Variants in GRM5 observed in about 807,000 individuals in gnomAD.
GRM5 encodes the protein glutamate metabotropic receptor 5.
Under a neutral mutation model 83.1 loss-of-function variants are expected in GRM5, and 19 were observed. The observed-to-expected ratio is 0.23, with a 90% CI of 0.16 to 0.34. The LOEUF (loss-of-function observed/expected upper bound fraction) is 0.34. GRM5 is among the 10% of genes least tolerant of loss of function. The pLI is 1.00. For missense variants in GRM5, 1,160 were observed against 1,588.3 expected (o/e 0.73, Z 4.58); for synonymous variants, 675 against 633.6 (o/e 1.07, Z -0.98).
At chr11:88,698,886 G>A (rs1361901620) in intron 3 of GRM5, among the ~76,000 whole-genome samples, 1 of 152,172 alleles carries the variant, frequency 6.6e-6, no homozygotes, top group Non-Finnish European at 1.5e-5. Flanking sequence ...AATTATGAAT[G>A]TATGGTGGAT....
chr11:88,896,525 A>T (rs2088922796), intron 2 of GRM5, among the ~76,000 whole-genome samples: 1 of 151,882 alleles, frequency 6.6e-6, no homozygotes, highest in Admixed American at 6.6e-5. Context: ...TAATATAGAG[A>T]GGTTTATTTA....
chr11:88,673,892 G>GA (rs59032979), intron 3 of GRM5, among the ~76,000 whole-genome samples: 1 of 147,050 alleles, frequency 6.8e-6, no homozygotes, highest in African/African-American at 2.5e-5. Flanking sequence ...ACACTATTTT[G>GA]AAAAAAAAAA....
chr11:88,856,643 G>C (rs1223781294), intron 2 of GRM5, among the ~76,000 whole-genome samples: 2 of 152,004 alleles, frequency 1.3e-5, no homozygotes, highest in African/African-American at 2.4e-5. Context: ...TTGTTATCAA[G>C]TATGATGTCC....
chr11:88,806,715 C>T (rs1282096906), intron 3 of GRM5, among the ~76,000 whole-genome samples: 2 of 152,152 alleles, frequency 1.3e-5, no homozygotes, highest in African/African-American at 2.4e-5. Context: ...TTATTCCCTT[C>T]AACACCCTCA....
intron 2 of GRM5, among the ~76,000 whole-genome samples, chr11:89,006,763 T>A (rs954952422): frequency 6.6e-6 from 1 of 152,148 alleles, no homozygotes; most frequent in African/African-American, 2.4e-5. Flanking sequence ...ACTTTGCCTA[T>A]ATAATTTCAA....
chr11:88,712,007 A>G lies in GRM5; in HGVS notation c.912-58604T>C, dbSNP rs148448209. 1.4e-4 allele frequency among the ~76,000 whole-genome samples: 21 copies of G among 152,222 alleles called. No individual in the cohort carries two copies. The East Asian group carries it at 4.1e-3, about 29-fold the overall frequency. ...TGCATCTCAGGAACCCATTACGCAC[A>G]AGAGTTTTTTCTCAGACAGTGTTTG... On this transcript the variant is annotated intron_variant, in intron 3 of 9. Coordinates refer to ENST00000305447, the MANE Select transcript of GRM5 (RefSeq NM_001143831.3).
chr11:88,660,820 A>T (rs551446198), intron 3 of GRM5, among the ~76,000 whole-genome samples: 4 of 152,174 alleles, frequency 2.6e-5, no homozygotes, highest in Admixed American at 6.6e-5. Flanking sequence ...TTCCCTCTGC[A>T]CAGAGTGCCA....
At chr11:88,639,698 C>T (rs1591401881) in intron 4 of GRM5, among the ~76,000 whole-genome samples, 2 of 152,132 alleles carry the variant, frequency 1.3e-5, no homozygotes, top group South Asian at 4.2e-4. Context: ...TGCCATTCTC[C>T]TGCCTCAGCC....
At chr11:88,511,428 C>T (rs1437094265) in intron 9 of GRM5, among the ~76,000 whole-genome samples, 3 of 152,254 alleles carry the variant, frequency 2.0e-5, no homozygotes, top group Non-Finnish European at 4.4e-5. Flanking sequence ...TCTTTCCACA[C>T]TGCTTCCCAT....
chr11:88,597,484 C>T lies in GRM5; in HGVS notation c.1395-132G>A, dbSNP rs1024197554. On this transcript the variant is annotated intron_variant, in intron 5 of 9. Coordinates refer to ENST00000305447, the MANE Select transcript of GRM5 (RefSeq NM_001143831.3). ...CACTGGAATTTTCCATGACAGTACACTTAGAATAACAAAAAAAATCTGTCT... is the reference window on the plus strand; with the variant it reads ...CACTGGAATTTTCCATGACAGTACATTTAGAATAACAAAAAAAATCTGTCT... 5.7e-6 allele frequency: 3 copies of T among 525,076 alleles called. No homozygotes were observed. In the African/African-American group the frequency reaches 5.9e-5, roughly 10 times the overall value. 32.5% of individuals were successfully genotyped at this position (525,076 alleles called of 1,614,324 possible). A position where few individuals can be genotyped will look rare whatever the true frequency, so the allele number is the denominator to read the frequency against.
At chr11:88,718,952 A>G (rs1472352521) in intron 3 of GRM5, among the ~76,000 whole-genome samples, 1 of 151,886 alleles carries the variant, frequency 6.6e-6, no homozygotes, top group East Asian at 1.9e-4. Flanking sequence ...ATTCTCAGTG[A>G]AGCATGTTTG....
rs1233949466 is a variant in GRM5, at chr11:89,047,187, C to A, written c.661+25G>T. 1.4e-5 allele frequency: 22 copies of A among 1,534,764 alleles called. 1 individual carries two copies. Among genetic ancestry groups the A allele is most frequent in the Non-Finnish European group, 1.9e-5 (21 of 1,121,890 alleles). ...ACTGTTGAGTGCATAATAATATATA[C>A]TCGATGTATGCAAAGGAAACTTACC... On this transcript the variant is annotated intron_variant, in intron 2 of 9. Coordinates refer to ENST00000305447, the MANE Select transcript of GRM5 (RefSeq NM_001143831.3). This position sits in a 1 kb window ranked among gnomAD's most constrained non-coding sequence, Gnocchi z 5.1.
intron 2 of GRM5, among the ~76,000 whole-genome samples, chr11:88,962,621 A>G (rs564537978): frequency 1.3e-5 from 2 of 152,304 alleles, no homozygotes; most frequent in East Asian, 3.9e-4. Flanking sequence ...ATATGCATTT[A>G]TTACCATTAT....
At chr11:88,933,848 C>T (rs1937800631) in intron 2 of GRM5, among the ~76,000 whole-genome samples, 1 of 151,764 alleles carries the variant, frequency 6.6e-6, no homozygotes. Context: ...AATAAAATTA[C>T]TCCTTTCTTC....
chr11:89,047,884 A>T lies in GRM5; in HGVS notation c.-12T>A, dbSNP rs770725145. The T allele has an allele frequency of 6.2e-7, 1 of 1,607,784 alleles. No homozygotes were observed. Among genetic ancestry groups the T allele is most frequent in the Non-Finnish European group, 8.5e-7 (1 of 1,175,438 alleles). ...AACAGAAGGACCATTTTAGGAAAGGAGTTCAAGCCAATAAAGATAGCATGG... is the reference window on the plus strand; with the variant it reads ...AACAGAAGGACCATTTTAGGAAAGGTGTTCAAGCCAATAAAGATAGCATGG... On this transcript the variant is annotated 5_prime_UTR_variant, in exon 2 of 10. Coordinates refer to ENST00000305447, the MANE Select transcript of GRM5 (RefSeq NM_001143831.3). This position sits in a 1 kb window ranked among gnomAD's most constrained non-coding sequence, Gnocchi z 5.1.
intron 3 of GRM5, among the ~76,000 whole-genome samples, chr11:88,798,820 A>AACC (rs58922576): frequency 1.5e-5 from 2 of 136,304 alleles, no homozygotes; most frequent in Admixed American, 7.6e-5. Context: ...AAAAAAAAAA[A>AACC]AAAAAAACAA....
At position 88,635,544 on chromosome 11, in the gene GRM5, T is replaced by C. The variant is rs192819289; in HGVS notation, c.1147+17624A>G. 2.6e-5 allele frequency among the ~76,000 whole-genome samples: 4 copies of C among 152,348 alleles called. No individual in the cohort carries two copies. In the East Asian group the frequency reaches 7.7e-4, roughly 29 times the overall value. The stretch of plus-strand genomic sequence containing the variant: ...TTATTTGTGTTTATGTGTGTATGTT[T>C]TAATTTTGCTATTGAGTTGTTTGCA... On this transcript the variant is annotated intron_variant, in intron 4 of 9. Coordinates refer to ENST00000305447, the MANE Select transcript of GRM5 (RefSeq NM_001143831.3).
chr11:88,594,781 T>A (rs2135215178), intron 6 of GRM5, among the ~76,000 whole-genome samples: 1 of 152,316 alleles, frequency 6.6e-6, no homozygotes, highest in African/African-American at 2.4e-5. Flanking sequence ...ACACATGAAA[T>A]GCCTTCTAAA....
At chr11:88,789,376 AAAAG>A (rs1943129935) in intron 3 of GRM5, among the ~76,000 whole-genome samples, 1 of 152,156 alleles carries the variant, frequency 6.6e-6, no homozygotes, top group Admixed American at 6.5e-5. Context: ...AAAAAAGAAA[AAAAG>A]AAAGAGAAGA....
Sources: allele counts gnomAD v4.1 joint callset (sites outside exome capture counted in the v4.1 genomes callset), GRCh38; gene constraint gnomAD v4.1.1; non-coding constraint Gnocchi (gnomAD v3.1); transcripts MANE v1.5; gene names NCBI Gene and HGNC (gene_info 2026-07-23, HGNC 2026-07-21).